AFF2: variants seen among roughly 807,000 people sequenced by gnomAD.
AFF2 encodes the protein ALF transcription elongation factor 2.
AFF2 carries 14 observed loss-of-function variants against 76.9 expected under a neutral mutation model. The ratio of observed to expected loss-of-function variants is 0.18; its 90% CI spans 0.12 to 0.28. The LOEUF is 0.28. Among genes scored for constraint, AFF2 ranks in the 10% least tolerant of loss-of-function variants. The pLI, the probability that AFF2 is intolerant of heterozygous loss-of-function variation, is 1.00. For missense variants in AFF2, 868 were observed against 1,001.1 expected, an observed-to-expected ratio of 0.87 and a Z score of 1.79; for synonymous variants, 398 against 366.7, an observed-to-expected ratio of 1.09 and a Z score of -0.98.
chrX:148,778,854 A>G (rs868952777), intron 3 of AFF2, among the ~76,000 whole-genome samples: 7 of 110,426 alleles, frequency 6.3e-5, no homozygotes, highest in African/African-American at 9.9e-5. Flanking sequence ...ATCTCTTTCA[A>G]TTCTGCTCTG....
chrX:148,795,832 A>T (rs868913371), intron 3 of AFF2, among the ~76,000 whole-genome samples: 14 of 15,530 alleles, frequency 9.0e-4, no homozygotes, highest in Non-Finnish European at 1.1e-3. Flanking sequence ...AAAAAAAAAA[A>T]ATATATATAT....
chrX:148,925,927 C>A (rs1471782506), intron 9 of AFF2, among the ~76,000 whole-genome samples: 1 of 112,043 alleles, frequency 8.9e-6, no homozygotes, highest in Non-Finnish European at 1.9e-5. Flanking sequence ...TGGCCTTGGG[C>A]AATTTCTTTA....
intron 4 of AFF2, among the ~76,000 whole-genome samples, chrX:148,814,512 A>G (rs573001942): frequency 8.9e-6 from 1 of 112,201 alleles, no homozygotes; most frequent in Non-Finnish European, 1.9e-5. Flanking sequence ...ATAGGCAAAC[A>G]TCTGTAAGGG....
chrX:148,563,431 C>T (rs188501371), intron 1 of AFF2, among the ~76,000 whole-genome samples: 1 of 111,397 alleles, frequency 9.0e-6, no homozygotes, highest in Non-Finnish European at 1.9e-5. Flanking sequence ...TGCACCAAGG[C>T]AGTGGCCATG....
chrX:148,652,113 A>G lies in AFF2; in HGVS notation c.162A>G (p.Pro54=), dbSNP rs782533571. ...CAGGCTTTGATCTTTTTGGGGAGCC[A>G]TACAAGGTAGCTGAATATGTATGTA... is the stretch of plus-strand genomic sequence containing the variant. ...FSSGFDLFGE[P]YKVAEYTNKG... is the part of the protein sequence containing the mutation. The change falls in exon 2 of 21, where the codon CCA becomes CCG. Residue 54 remains proline, a synonymous_variant. Transcript: ENST00000370460. The G allele has an allele frequency of 1.7e-6, 2 of 1,199,411 alleles. No individual in the cohort carries two copies. Among genetic ancestry groups the G allele is most frequent in the Non-Finnish European group, 2.3e-6 (2 of 888,048 alleles).
At chrX:148,565,253 A>C (rs782735630) in intron 1 of AFF2, among the ~76,000 whole-genome samples, 136 of 111,498 alleles carry the variant, frequency 1.2e-3, no homozygotes, top group Non-Finnish European at 2.1e-3. Flanking sequence ...CTAGTTTTTA[A>C]AATATATTTA....
At chrX:148,813,345 T>C (rs782110881) in intron 4 of AFF2, among the ~76,000 whole-genome samples, 1 of 112,083 alleles carries the variant, frequency 8.9e-6, no homozygotes, top group East Asian at 2.8e-4. Flanking sequence ...AGCTGACATT[T>C]CCAGCAACTT....
intron 3 of AFF2, among the ~76,000 whole-genome samples, chrX:148,758,843 G>A (rs1557267094): frequency 8.9e-6 from 1 of 111,937 alleles, no homozygotes; most frequent in Non-Finnish European, 1.9e-5. Flanking sequence ...GGATCAGAGA[G>A]TATGAACATT....
intron 1 of AFF2, among the ~76,000 whole-genome samples, chrX:148,515,553 G>A (rs1231736620): frequency 9.0e-6 from 1 of 111,594 alleles, no homozygotes; most frequent in Non-Finnish European, 1.9e-5. Flanking sequence ...CCCTCTGTGA[G>A]ATACATTTTT....
chrX:148,932,945 T>C, intron 9 of AFF2, among the ~76,000 whole-genome samples: 1 of 112,020 alleles, frequency 8.9e-6, no homozygotes, highest in Non-Finnish European at 1.9e-5. Flanking sequence ...TTCTCTTGGG[T>C]GGAGACAGAC....
chrX:148,676,850 G>A (rs955600752), intron 3 of AFF2, among the ~76,000 whole-genome samples: 12 of 111,113 alleles, frequency 1.1e-4, no homozygotes, highest in African/African-American at 3.6e-4. Context: ...GGGAAGACTC[G>A]GGGCTTGGTA....
At chrX:148,808,568 G>A (rs932165700) in intron 3 of AFF2, among the ~76,000 whole-genome samples, 2 of 111,959 alleles carry the variant, frequency 1.8e-5, no homozygotes, top group Non-Finnish European at 3.8e-5. Context: ...TTTTGAGAGG[G>A]AAAGGGAATA....
At chrX:148,560,719 C>G (rs1395636773) in intron 1 of AFF2, among the ~76,000 whole-genome samples, 1 of 112,083 alleles carries the variant, frequency 8.9e-6, no homozygotes, top group Non-Finnish European at 1.9e-5. Context: ...AAGACAGGAT[C>G]TGTAACAGTG....
At position 148,659,050 on chromosome X, in the gene AFF2, A is replaced by G. The variant is rs191549371; in HGVS notation, c.181-2858A>G. Among the ~76,000 whole-genome samples the G allele has an allele frequency of 3.1e-4, 35 of 112,197 alleles. 1 individual carries two copies. The East Asian group carries it at 9.9e-3, about 32-fold the overall frequency. On this transcript the variant is annotated intron_variant, in intron 2 of 20. Transcript: ENST00000370460. ...AGGAAAGATATCATAAGTGTAGTAT[A>G]CACTGTGTAGTAGAAGGTTGATTTT...
chrX:148,743,435 T>C (rs375827277), intron 3 of AFF2, among the ~76,000 whole-genome samples: 8 of 112,337 alleles, frequency 7.1e-5, no homozygotes, highest in East Asian at 5.6e-4. Flanking sequence ...GAGATACACA[T>C]ACACAAATAA....
chrX:148,825,227 C>T (rs1168155398), intron 4 of AFF2, among the ~76,000 whole-genome samples: 1 of 111,908 alleles, frequency 8.9e-6, no homozygotes, highest in African/African-American at 3.2e-5. Context: ...AAGCCTAGAG[C>T]TCAAAGCCAG....
intron 1 of AFF2, among the ~76,000 whole-genome samples, chrX:148,639,113 T>C (rs2054062326): frequency 8.9e-6 from 1 of 112,160 alleles, no homozygotes; most frequent in Non-Finnish European, 1.9e-5. Flanking sequence ...CCTTCATCTG[T>C]GAAATGGGAA....
intron 3 of AFF2, among the ~76,000 whole-genome samples, chrX:148,780,620 A>T (rs145799874): frequency 3.6e-5 from 4 of 111,323 alleles, no homozygotes; most frequent in Non-Finnish European, 5.7e-5. Flanking sequence ...GTTCTTCTCT[A>T]AACCGGTTAT....
At chrX:148,945,174 G>A (rs782309348) in intron 9 of AFF2, among the ~76,000 whole-genome samples, 2 of 111,539 alleles carry the variant, frequency 1.8e-5, no homozygotes, top group African/African-American at 6.5e-5. Flanking sequence ...TCCATAGGAC[G>A]TGCTCACAGG....
Sources: gnomAD v4.1 joint callset for allele counts (sites outside exome capture counted in the v4.1 genomes callset) on GRCh38, gnomAD v4.1.1 for gene constraint, MANE v1.5 for transcripts, NCBI Gene and HGNC (gene_info 2026-07-23, HGNC 2026-07-21) for gene names.